The following IL3RA variants were observed in gnomAD, a reference collection of about 807,000 sequenced individuals.
IL3RA encodes interleukin-3 receptor subunit alpha.
Under a neutral mutation model 52.3 loss-of-function variants are expected in IL3RA, and 73 were observed. The ratio of observed to expected loss-of-function variants is 1.40; its 90% CI spans 1.16 to 1.70. The LOEUF is 1.70. Among genes scored for constraint, IL3RA ranks in the 40% most tolerant of loss-of-function variants. IL3RA has a pLI of 0.00. For synonymous variants in IL3RA, 260 were observed against 194.0 expected, an observed-to-expected ratio of 1.34 and a Z score of -2.83; for missense variants, 664 against 504.4, an observed-to-expected ratio of 1.32 and a Z score of -3.03.
chrX:1,348,626 C>CT, intron 4 of IL3RA, 81 bp downstream of exon 4: 1 of 852,980 alleles, frequency 1.2e-6, no homozygotes, highest in Non-Finnish European at 1.9e-6. Flanking sequence ...TTCGCTGTGT[C>CT]TTTTTTCTTT....
rs2087846662 is a variant in IL3RA, at chrX:1,365,272, TGCGCGGGG to T, written c.874+21_874+28del. The T allele has an allele frequency of 6.6e-7, 1 of 1,517,362 alleles. No homozygotes were observed. Among genetic ancestry groups the T allele is most frequent in the African/African-American group, 1.6e-5 (1 of 63,234 alleles). The allele number at this position is 1,517,362 out of a possible 1,614,324, so 94.0% of individuals were successfully genotyped here. On this transcript the variant is annotated intron_variant, in intron 9 of 11. Transcript: ENST00000331035. The stretch of plus-strand genomic sequence containing the variant: ...GCTTCGGTGAGTGGGCTGTGCGGGG[TGCGCGGGG>T]TGAGCGGGGTGAGCGGGGTGCGCGG...
intron 11 of IL3RA, among the ~76,000 whole-genome samples, chrX:1,381,556 A>G (rs1349889554): frequency 7.8e-6 from 1 of 129,016 alleles, no homozygotes; most frequent in African/African-American, 2.6e-5. Context: ...TTTTTTTTTT[A>G]GATGGAGTTT....
intron 9 of IL3RA, 129 bp from the exon 10 acceptor site, chrX:1,378,530 T>C (rs1408101528): frequency 4.1e-6 from 3 of 740,554 alleles, no homozygotes; most frequent in East Asian, 2.7e-5. Flanking sequence ...ACTACTGGGG[T>C]GTCCCCCCCT....
At chrX:1,352,895 GTTTCA>G (rs2086192397) in intron 6 of IL3RA, among the ~76,000 whole-genome samples, 1 of 47,278 alleles carries the variant, frequency 2.1e-5, no homozygotes, top group Non-Finnish European at 6.1e-5. Context: ...CCCATGATGG[GTTTCA>G]TCATGAGTCA....
chrX:1,361,945 T>G (rs776779786), intron 8 of IL3RA, among the ~76,000 whole-genome samples: 1 of 152,014 alleles, frequency 6.6e-6, no homozygotes, highest in South Asian at 2.1e-4. Context: ...AAGATGAGAT[T>G]TGGGTGGGGA....
At chrX:1,353,925 T>TCCATCATGGGTCATGGGACCCCCCCCCC (rs2086371932) in intron 6 of IL3RA, among the ~76,000 whole-genome samples, 13 of 110,530 alleles carry the variant, frequency 1.2e-4, no homozygotes, top group East Asian at 5.2e-4. Context: ...CATCATGGGT[T>TCCATCATGGGTCATGGGACCCCCCCCCC]CCATCATGGG....
intron 4 of IL3RA, among the ~76,000 whole-genome samples, chrX:1,351,255 T>A (rs1220526400): frequency 1.3e-5 from 2 of 152,156 alleles, no homozygotes; most frequent in African/African-American, 2.4e-5. Context: ...CTCCATATTA[T>A]TATTATTTTT....
intron 9 of IL3RA, among the ~76,000 whole-genome samples, chrX:1,373,819 G>A (rs1306927472): frequency 2.0e-4 from 12 of 60,332 alleles, no homozygotes; most frequent in African/African-American, 5.3e-4. Context: ...AGACACACAC[G>A]GAGGAACAAC....
intron 8 of IL3RA, among the ~76,000 whole-genome samples, chrX:1,362,200 G>A (rs1466860543): frequency 6.2e-5 from 9 of 145,764 alleles, no homozygotes; most frequent in East Asian, 2.0e-4. Context: ...CTGTCTCTCC[G>A]TTTCTGTCTC....
chrX:1,361,234 A>C (rs1263302561), intron 8 of IL3RA, among the ~76,000 whole-genome samples: 2 of 141,956 alleles, frequency 1.4e-5, no homozygotes, highest in Admixed American at 7.2e-5. Context: ...TCTCTCTCCC[A>C]TTATTTCTCT....
chrX:1,341,546 G>C (rs770836811), intron 1 of IL3RA, among the ~76,000 whole-genome samples, 182 bp from the exon 2 acceptor site: 130,790 of 151,368 alleles, frequency 0.86, 56,742 homozygotes, highest in Non-Finnish European at 0.94. Flanking sequence ...ACACTCTGAT[G>C]TGCATGCATG....
chrX:1,367,966 G>T (rs1339276581), intron 9 of IL3RA, among the ~76,000 whole-genome samples: 1 of 152,054 alleles, frequency 6.6e-6, no homozygotes, highest in African/African-American at 2.4e-5. Flanking sequence ...GAGAGGAGAC[G>T]TGGAGGGGAA....
Position 1,347,139 on chromosome X carries a change from C to T in IL3RA, c.184-1292C>T, listed in dbSNP as rs192557977. Among the ~76,000 whole-genome samples the T allele has an allele frequency of 5.3e-4, 81 of 151,618 alleles. 2 individuals carry two copies. The highest frequency in any genetic ancestry group is 1.8e-3 in the African/African-American group (72 of 40,988). On this transcript the variant is annotated intron_variant, in intron 3 of 11. Transcript: ENST00000331035. ...CACTGAAAAGTTCATACCCAATGTG[C>T]GGATTGCTATAAGAATACACAAGTA...
intron 11 of IL3RA, 145 bp downstream of exon 11, chrX:1,381,249 T>C (rs1358303560): frequency 4.0e-6 from 3 of 744,716 alleles, no homozygotes; most frequent in Non-Finnish European, 7.1e-6. Context: ...AAATACAAAA[T>C]TAGCCGGGTG....
intron 8 of IL3RA, among the ~76,000 whole-genome samples, chrX:1,362,465 T>C (rs192251490): frequency 2.0e-5 from 3 of 152,028 alleles, no homozygotes; most frequent in African/African-American, 7.2e-5. Context: ...TCTCTGTTTC[T>C]ATCTGTCTCT....
In IL3RA at chrX:1,382,626, A is replaced by G. The variant is rs2089233684; in HGVS notation, c.*161A>G. The stretch of plus-strand genomic sequence containing the variant: ...CTGTGTAATTTCGTCCGAAGCTGCC[A>G]GGAAGAAGAACAGAACTTTGTGTGT... On this transcript the variant is annotated 3_prime_UTR_variant, in exon 12 of 12. Coordinates refer to ENST00000331035, the MANE Select transcript of IL3RA (RefSeq NM_002183.4). 5.9e-6 allele frequency: 4 copies of G among 676,754 alleles called. No individual in the cohort carries two copies. The highest frequency in any genetic ancestry group is 1.1e-5 in the Non-Finnish European group (4 of 373,426). The allele number at this position is 676,754 out of a possible 1,614,324, so 41.9% of individuals were successfully genotyped here. A position where few individuals can be genotyped will look rare whatever the true frequency, so the allele number is the denominator to read the frequency against.
chrX:1,339,706 C>T (rs1226130737), intron 1 of IL3RA, among the ~76,000 whole-genome samples: 5 of 152,168 alleles, frequency 3.3e-5, no homozygotes, highest in East Asian at 1.9e-4. Flanking sequence ...GCAGGAGAAT[C>T]GCTTGAACGT....
intron 2 of IL3RA, among the ~76,000 whole-genome samples, chrX:1,344,683 G>C (rs1463988709): frequency 6.8e-6 from 1 of 147,956 alleles, no homozygotes; most frequent in East Asian, 2.1e-4. Context: ...TGAGGCAGGA[G>C]AATCGCTTGA....
chrX:1,346,699 T>C (rs1164610213), intron 3 of IL3RA, among the ~76,000 whole-genome samples: 1 of 151,262 alleles, frequency 6.6e-6, no homozygotes, highest in Non-Finnish European at 1.5e-5. Context: ...ATCCCCCATC[T>C]TGTCATCACC....
Sources: gnomAD v4.1 joint callset for allele counts (sites outside exome capture counted in the v4.1 genomes callset) on GRCh38, gnomAD v4.1.1 for gene constraint, MANE v1.5 for transcripts, NCBI Gene and HGNC (gene_info 2026-07-23, HGNC 2026-07-21) for gene names.